IGF1: variants seen among roughly 807,000 people sequenced by gnomAD.
IGF1 encodes insulin like growth factor 1, also known as insulin-like growth factor 1.
A neutral mutation model predicts 13.8 loss-of-function variants in IGF1; 4 were observed. The observed-to-expected ratio is 0.29, with a 90% CI of 0.14 to 0.66. The LOEUF (loss-of-function observed/expected upper bound fraction) is 0.66, where lower values mean the gene tolerates loss of function less well. Among genes scored for constraint, IGF1 ranks in the 30% least tolerant of loss-of-function variants. The pLI is 0.78. For synonymous variants in IGF1, 76 were observed against 72.6 expected (o/e 1.05, Z -0.23); for missense variants, 124 against 188.5 (o/e 0.66, Z 2.00).
intron 2 of IGF1, among the ~76,000 whole-genome samples, chr12:102,472,164 G>A (rs1880727318): frequency 6.6e-6 from 1 of 152,036 alleles, no homozygotes; most frequent in Non-Finnish European, 1.5e-5. Context: ...ATGATGCATA[G>A]GAAAGAATGA....
At chr12:102,432,847 AATACATACATAC>A (rs80335999) in intron 2 of IGF1, among the ~76,000 whole-genome samples, 20 of 152,020 alleles carry the variant, frequency 1.3e-4, no homozygotes, top group African/African-American at 3.6e-4. Flanking sequence ...GTATAATAAA[AATACATACATAC>A]ATACATACAT....
intron 3 of IGF1, among the ~76,000 whole-genome samples, chr12:102,411,695 G>T (rs1874657106): frequency 6.6e-6 from 1 of 152,154 alleles, no homozygotes; most frequent in Non-Finnish European, 1.5e-5. Flanking sequence ...TGGGCATTTT[G>T]ACCATGTCAG....
intron 2 of IGF1, among the ~76,000 whole-genome samples, chr12:102,430,141 A>G (rs1231378318): frequency 6.6e-6 from 1 of 152,178 alleles, no homozygotes; most frequent in Non-Finnish European, 1.5e-5. Context: ...ACTTATGCCA[A>G]TACTTAGGCA....
chr12:102,449,823 C>G (rs961171349), intron 2 of IGF1, among the ~76,000 whole-genome samples: 4 of 151,980 alleles, frequency 2.6e-5, no homozygotes, highest in Admixed American at 6.5e-5. Context: ...GACACAAACT[C>G]TTGCCCTCTG....
upstream of IGF1, among the ~76,000 whole-genome samples, chr12:102,481,298 G>T (rs1430492572): frequency 6.6e-6 from 1 of 151,958 alleles, no homozygotes; most frequent in East Asian, 1.9e-4. Flanking sequence ...AAGGGTACCT[G>T]GGGGGCAAAC....
chr12:102,426,391 T>C (rs557444098), intron 2 of IGF1, among the ~76,000 whole-genome samples: 129 of 152,378 alleles, frequency 8.5e-4, no homozygotes, highest in African/African-American at 3.1e-3. Flanking sequence ...CAATTATTAT[T>C]ATGGTGTTGA....
At chr12:102,407,675 G>A (rs1227054707) in intron 3 of IGF1, among the ~76,000 whole-genome samples, 2 of 152,156 alleles carry the variant, frequency 1.3e-5, no homozygotes, top group Admixed American at 6.5e-5. Flanking sequence ...AGCAATAGTT[G>A]ATAATATCAT....
chr12:102,465,968 TAA>T (rs1566003196), intron 2 of IGF1, among the ~76,000 whole-genome samples: 2 of 149,662 alleles, frequency 1.3e-5, no homozygotes, highest in Admixed American at 6.7e-5. Context: ...AATAAATAAA[TAA>T]ATAAATAAAT....
chr12:102,415,256 T>TCATCCATC (rs66536957), intron 3 of IGF1, among the ~76,000 whole-genome samples: 101 of 148,552 alleles, frequency 6.8e-4, no homozygotes, highest in African/African-American at 2.1e-3. Context: ...AACCATCCAT[T>TCATCCATC]CATCCATCCA....
intron 3 of IGF1, among the ~76,000 whole-genome samples, chr12:102,408,457 C>A (rs1874360292): frequency 6.6e-6 from 1 of 152,146 alleles, no homozygotes; most frequent in South Asian, 2.1e-4. Flanking sequence ...GAACAAGGTG[C>A]ACATTTTGAG....
intron 2 of IGF1, among the ~76,000 whole-genome samples, chr12:102,443,669 C>T (rs1037182983): frequency 5.9e-5 from 9 of 152,146 alleles, no homozygotes; most frequent in African/African-American, 2.2e-4. Flanking sequence ...CTAATGCCTC[C>T]AATGTCTCCA....
chr12:102,467,105 C>CT (rs1465279728), intron 2 of IGF1, among the ~76,000 whole-genome samples: 1 of 152,082 alleles, frequency 6.6e-6, no homozygotes, highest in Non-Finnish European at 1.5e-5. Flanking sequence ...TCAGTGCAGA[C>CT]TTTCTAAATC....
At chr12:102,435,114 T>C (rs1342430712) in intron 2 of IGF1, among the ~76,000 whole-genome samples, 1 of 152,206 alleles carries the variant, frequency 6.6e-6, no homozygotes, top group Non-Finnish European at 1.5e-5. Context: ...CCAGAGATGA[T>C]TTTAAAGTGC....
intron 3 of IGF1, among the ~76,000 whole-genome samples, chr12:102,412,125 A>T (rs1267279741): frequency 6.6e-6 from 1 of 152,180 alleles, no homozygotes; most frequent in Non-Finnish European, 1.5e-5. Context: ...CTGGATCCTC[A>T]AAAGATACAA....
chr12:102,464,431 C>A (rs755930204), intron 2 of IGF1, among the ~76,000 whole-genome samples: 2 of 148,482 alleles, frequency 1.3e-5, no homozygotes, highest in Non-Finnish European at 3.0e-5. Flanking sequence ...TTTTCAATAT[C>A]AAATCAAGAA....
chr12:102,410,757 C>T (rs1358857906), intron 3 of IGF1, among the ~76,000 whole-genome samples: 1 of 152,200 alleles, frequency 6.6e-6, no homozygotes, highest in East Asian at 1.9e-4. Context: ...GTGTGTGTGA[C>T]AAATCTGGGC....
intron 2 of IGF1, among the ~76,000 whole-genome samples, chr12:102,452,217 G>A (rs1009689918): frequency 3.4e-4 from 41 of 121,020 alleles, no homozygotes; most frequent in South Asian, 1.1e-3. Context: ...AGCCGAGATC[G>A]CGCCACTGCA....
rs1359895811 is a variant in IGF1, at chr12:102,397,026, C to A, written c.*5481G>T. 4.1e-5 allele frequency: 16 copies of A among 387,040 alleles called. 1 individual carries two copies. In the Admixed American group the frequency reaches 6.3e-4, roughly 15 times the overall value. The allele number at this position is 387,040 out of a possible 1,614,324, so 24.0% of individuals were successfully genotyped here. A position where few individuals can be genotyped will look rare whatever the true frequency, so the allele number is the denominator to read the frequency against. ...GACCAACCTGGCCAACATGGTAAAA[C>A]CCCGTCTCTATTAAAAATCCAAAAA... On this transcript the variant is annotated 3_prime_UTR_variant, in exon 4 of 4. Transcript: ENST00000337514.
chr12:102,476,735 A>T (rs2137281174), intron 1 of IGF1, among the ~76,000 whole-genome samples: 1 of 152,258 alleles, frequency 6.6e-6, no homozygotes, highest in Non-Finnish European at 1.5e-5. Context: ...TATCTATTTT[A>T]TAGCAAAATA....
Sources: allele counts gnomAD v4.1 joint callset (sites outside exome capture counted in the v4.1 genomes callset), GRCh38; gene constraint gnomAD v4.1.1; transcripts MANE v1.5; gene names NCBI Gene and HGNC (gene_info 2026-07-23, HGNC 2026-07-21).